The following PARD3 variants were observed in gnomAD, a reference collection of about 807,000 sequenced individuals.
PARD3 encodes the protein par-3 family cell polarity regulator.
Under a neutral mutation model 155.4 loss-of-function variants are expected in PARD3, and 75 were observed. The observed-to-expected ratio is 0.48, with a 90% CI of 0.40 to 0.58. The LOEUF is 0.58. PARD3 is among the 20% of genes least tolerant of loss of function. The pLI is 0.00. For missense variants in PARD3, 1,642 were observed against 1,721.7 expected (o/e 0.95, Z 0.82); for synonymous variants, 576 against 610.5 (o/e 0.94, Z 0.83).
chr10:34,772,212 CAGG>C (rs1023212668), intron 1 of PARD3, among the ~76,000 whole-genome samples: 2 of 151,848 alleles, frequency 1.3e-5, no homozygotes, highest in Non-Finnish European at 2.9e-5. Flanking sequence ...CACTTGAGCT[CAGG>C]AGTTCGAGAC....
chr10:34,217,956 A>G (rs1313517467), intron 22 of PARD3, among the ~76,000 whole-genome samples: 8 of 152,202 alleles, frequency 5.3e-5, no homozygotes. Flanking sequence ...AACTGGACAC[A>G]TTGGGGGGCA....
intron 2 of PARD3, among the ~76,000 whole-genome samples, chr10:34,591,150 T>A (rs1278456126): frequency 6.6e-6 from 1 of 150,628 alleles, no homozygotes; most frequent in Non-Finnish European, 1.5e-5. Context: ...CATCACCCCC[T>A]CCCCATCCCA....
At chr10:34,779,198 C>T (rs1014077671) in intron 1 of PARD3, among the ~76,000 whole-genome samples, 1 of 152,054 alleles carries the variant, frequency 6.6e-6, no homozygotes, top group African/African-American at 2.4e-5. Flanking sequence ...CCCAGGTACT[C>T]GGGAGGCTGA....
At chr10:34,328,273 T>C (rs527587079) in intron 19 of PARD3, among the ~76,000 whole-genome samples, 1 of 152,316 alleles carries the variant, frequency 6.6e-6, no homozygotes, top group East Asian at 1.9e-4. Context: ...TTTAATTCTA[T>C]GATTTGCCAA....
chr10:34,122,015 T>C (rs1361117527), intron 23 of PARD3, among the ~76,000 whole-genome samples: 6 of 152,238 alleles, frequency 3.9e-5, no homozygotes, highest in Non-Finnish European at 2.9e-5. Flanking sequence ...AAAAGGAAAC[T>C]GAGCTGTTTT....
chr10:34,548,404 C>T (rs926161597), intron 2 of PARD3, among the ~76,000 whole-genome samples: 2 of 152,104 alleles, frequency 1.3e-5, no homozygotes, highest in African/African-American at 4.8e-5. Context: ...GAGGTCGAGG[C>T]ACAAGAATCA....
intron 2 of PARD3, among the ~76,000 whole-genome samples, chr10:34,684,778 TACACACACACACAC>T (rs3087285): frequency 0.041 from 4,931 of 119,036 alleles, 191 homozygotes; most frequent in African/African-American, 0.12. Flanking sequence ...TGATGATACA[TACACACACACACAC>T]ACACACACAC....
intron 2 of PARD3, among the ~76,000 whole-genome samples, chr10:34,567,439 T>C (rs2086044928): frequency 6.6e-6 from 1 of 152,206 alleles, no homozygotes; most frequent in South Asian, 2.1e-4. Context: ...TGATTACCAA[T>C]ATTATAAACA....
chr10:34,805,617 G>A (rs1843284420), intron 1 of PARD3, among the ~76,000 whole-genome samples: 1 of 147,726 alleles, frequency 6.8e-6, no homozygotes, highest in African/African-American at 2.5e-5. Flanking sequence ...ATTCACAAAG[G>A]GAATTGTCTT....
intron 2 of PARD3, among the ~76,000 whole-genome samples, chr10:34,536,764 G>C (rs1341917053): frequency 6.6e-6 from 1 of 152,056 alleles, no homozygotes; most frequent in Non-Finnish European, 1.5e-5. Context: ...TGTCCCTTTG[G>C]GTTGGCACAG....
intron 2 of PARD3, among the ~76,000 whole-genome samples, chr10:34,666,796 A>AAAAAAAAAAATATAT (rs1358640964): frequency 1.3e-4 from 9 of 66,946 alleles, no homozygotes; most frequent in African/African-American, 1.8e-4. Flanking sequence ...AAAAAAAAAA[A>AAAAAAAAAAATATAT]ATATATATAT....
chr10:34,145,890 G>A (rs1162404977), intron 22 of PARD3, among the ~76,000 whole-genome samples: 1 of 152,100 alleles, frequency 6.6e-6, no homozygotes, highest in South Asian at 2.1e-4. Context: ...GCTTCAGGGG[G>A]GTTTATGAAA....
intron 22 of PARD3, among the ~76,000 whole-genome samples, chr10:34,254,908 G>A (rs1196775804): frequency 6.6e-6 from 1 of 152,120 alleles, no homozygotes; most frequent in African/African-American, 2.4e-5. Context: ...CTCTGGGCTT[G>A]TGCAAAGACT....
intron 22 of PARD3, among the ~76,000 whole-genome samples, chr10:34,186,498 GT>G (rs1441715256): frequency 6.6e-6 from 1 of 151,990 alleles, no homozygotes; most frequent in African/African-American, 2.4e-5. Flanking sequence ...TCACCTCACT[GT>G]TGGACTGAGA....
At position 34,501,681 on chromosome 10, in the gene PARD3, T is replaced by C. The variant is rs572687236; in HGVS notation, c.403+15298A>G. On this transcript the variant is annotated intron_variant, in intron 3 of 24. Transcript: ENST00000374788. ...GTTATTTTCACACTACCGTAAATATTTAAATGCATGTAAAATGTGGTAGGC... is the reference window on the plus strand; with the variant it reads ...GTTATTTTCACACTACCGTAAATATCTAAATGCATGTAAAATGTGGTAGGC... Among the ~76,000 whole-genome samples, 6 of 152,172 alleles carry C rather than the reference T, an allele frequency of 3.9e-5. 1 individual carries two copies. The South Asian group carries it at 1.2e-3, about 32-fold the overall frequency.
chr10:34,499,188 A>C (rs2080501412), intron 3 of PARD3, among the ~76,000 whole-genome samples: 1 of 152,198 alleles, frequency 6.6e-6, no homozygotes, highest in Admixed American at 6.5e-5. Context: ...ACAAAATTAT[A>C]GCCAAATCAT....
At chr10:34,468,281 A>T (rs530645349) in intron 4 of PARD3, among the ~76,000 whole-genome samples, 1 of 152,282 alleles carries the variant, frequency 6.6e-6, no homozygotes, top group South Asian at 2.1e-4. Flanking sequence ...CTAAGTGATA[A>T]ATTCCTTTTG....
chr10:34,369,028 C>A (rs1049202852), intron 12 of PARD3, among the ~76,000 whole-genome samples: 1 of 119,754 alleles, frequency 8.4e-6, no homozygotes, highest in Non-Finnish European at 1.6e-5. Context: ...TTTTTTTTTT[C>A]CCCCCTCAAC....
intron 3 of PARD3, among the ~76,000 whole-genome samples, chr10:34,516,231 C>T (rs1482017016): frequency 1.3e-5 from 2 of 152,178 alleles, no homozygotes; most frequent in African/African-American, 4.8e-5. Flanking sequence ...TCCCAAAGTG[C>T]TGGGATTATA....
Sources: allele counts gnomAD v4.1 joint callset (sites outside exome capture counted in the v4.1 genomes callset), GRCh38; gene constraint gnomAD v4.1.1; transcripts MANE v1.5; gene names NCBI Gene and HGNC (gene_info 2026-07-23, HGNC 2026-07-21).